The following XKR4 variants were observed in gnomAD, a reference collection of about 807,000 sequenced individuals.
XKR4 encodes the protein XK-related protein 4.
XKR4 carries 12 observed loss-of-function variants against 53.9 expected under a neutral mutation model. The observed-to-expected ratio is 0.22, with a 90% CI of 0.14 to 0.36. The LOEUF is 0.36. Among genes scored for constraint, XKR4 ranks in the 10% least tolerant of loss-of-function variants. XKR4 has a pLI of 1.00. For missense variants in XKR4, 799 were observed against 859.5 expected (o/e 0.93, Z 0.88); for synonymous variants, 354 against 362.4 (o/e 0.98, Z 0.26).
In XKR4 at chr8:55,434,015, C is replaced by CAG. The variant is rs1805139394; in HGVS notation, c.1006+76141_1006+76142dup. ...CACCACTGCACTCCAGCCTGGGCAA[C>CAG]AGAGCAAGACCCTGTCTCAAAAAAT... On this transcript the variant is annotated intron_variant, in intron 2 of 2. Transcript: ENST00000327381. 3.3e-5 allele frequency among the ~76,000 whole-genome samples: 5 copies of CAG among 152,236 alleles called. No individual in the cohort carries two copies. The South Asian group carries it at 1.0e-3, about 32-fold the overall frequency.
At chr8:55,244,739 T>G (rs539661993) in intron 1 of XKR4, among the ~76,000 whole-genome samples, 1 of 152,302 alleles carries the variant, frequency 6.6e-6, no homozygotes, top group East Asian at 1.9e-4. Context: ...ATTTTTTGAC[T>G]TTTTAATAAT....
At chr8:55,340,282 G>T (rs1168739579) in intron 1 of XKR4, among the ~76,000 whole-genome samples, 3 of 152,206 alleles carry the variant, frequency 2.0e-5, no homozygotes, top group Admixed American at 1.3e-4. Flanking sequence ...AGGTTGTGTG[G>T]TGTTTGGTGG....
intron 2 of XKR4, among the ~76,000 whole-genome samples, chr8:55,399,068 G>T (rs911733563): frequency 6.6e-6 from 1 of 152,176 alleles, no homozygotes; most frequent in Non-Finnish European, 1.5e-5. Flanking sequence ...CTCTAAGGAA[G>T]ATTTTCTGGA....
Position 55,538,850 on chromosome 8 carries a change from T to C in XKR4, c.*14623T>C, listed in dbSNP as rs1443452369. ...TTGAGTATCCTCTTCACCCCTAAGA[T>C]GACACATCTTTACAACACAATAAAA... On this transcript the variant is annotated 3_prime_UTR_variant, in exon 3 of 3. Coordinates refer to ENST00000327381, the MANE Select transcript of XKR4 (RefSeq NM_052898.2). 2 of 152,214 alleles carry C rather than the reference T, an allele frequency of 1.3e-5. No individual in the cohort carries two copies. The highest frequency in any genetic ancestry group is 1.5e-5 in the Non-Finnish European group (1 of 68,038). The allele number at this position is 152,214 out of a possible 1,614,324, so 9.4% of individuals were successfully genotyped here.
intron 1 of XKR4, among the ~76,000 whole-genome samples, chr8:55,228,262 C>A (rs1348152730): frequency 6.6e-6 from 1 of 152,106 alleles, no homozygotes; most frequent in Non-Finnish European, 1.5e-5. Flanking sequence ...GAGACCATCA[C>A]AATAGAGACA....
intron 1 of XKR4, among the ~76,000 whole-genome samples, chr8:55,255,554 T>C (rs922729160): frequency 2.0e-5 from 3 of 152,152 alleles, no homozygotes; most frequent in African/African-American, 7.2e-5. Flanking sequence ...TGCTTAGGCA[T>C]AAAGAAAGTG....
chr8:55,504,432 C>T (rs543793289), intron 2 of XKR4, among the ~76,000 whole-genome samples: 13 of 151,504 alleles, frequency 8.6e-5, no homozygotes, highest in Non-Finnish European at 1.8e-4. Flanking sequence ...CCAGACTGGT[C>T]TCCAACTCCT....
At chr8:55,241,331 TG>T (rs1818207731) in intron 1 of XKR4, among the ~76,000 whole-genome samples, 1 of 152,230 alleles carries the variant, frequency 6.6e-6, no homozygotes, top group Non-Finnish European at 1.5e-5. Flanking sequence ...GCAACCTTTG[TG>T]GTCCTGGCAT....
At chr8:55,149,350 G>A (rs980743975) in intron 1 of XKR4, among the ~76,000 whole-genome samples, 3 of 152,100 alleles carry the variant, frequency 2.0e-5, no homozygotes, top group Admixed American at 1.3e-4. Flanking sequence ...TAATACTAGA[G>A]CTGCCTTACG....
At chr8:55,467,235 C>T (rs1415929815) in intron 2 of XKR4, among the ~76,000 whole-genome samples, 3 of 152,124 alleles carry the variant, frequency 2.0e-5, no homozygotes, top group Non-Finnish European at 4.4e-5. Flanking sequence ...GCCAACAGGA[C>T]AGCATCTGTT....
At chr8:55,491,649 TG>T (rs1189002597) in intron 2 of XKR4, among the ~76,000 whole-genome samples, 14 of 151,976 alleles carry the variant, frequency 9.2e-5, no homozygotes, top group African/African-American at 3.4e-4. Context: ...TTTGTTTGTT[TG>T]TTTGTTTTTT....
intron 2 of XKR4, among the ~76,000 whole-genome samples, chr8:55,478,719 T>G: frequency 6.6e-6 from 1 of 151,494 alleles, no homozygotes; most frequent in East Asian, 1.9e-4. Context: ...ACCAAGCAAA[T>G]GGAAAACAAA....
At chr8:55,515,186 C>T (rs1024813067) in intron 2 of XKR4, among the ~76,000 whole-genome samples, 1 of 152,186 alleles carries the variant, frequency 6.6e-6, no homozygotes, top group Non-Finnish European at 1.5e-5. Flanking sequence ...AAGTAGAAAT[C>T]CTCCAAATGG....
At chr8:55,148,812 ATGT>A (rs1294333635) in intron 1 of XKR4, among the ~76,000 whole-genome samples, 2 of 152,154 alleles carry the variant, frequency 1.3e-5, no homozygotes, top group East Asian at 1.9e-4. Flanking sequence ...TTTAAGGTCG[ATGT>A]TGTTTTATTT....
intron 1 of XKR4, among the ~76,000 whole-genome samples, chr8:55,208,443 A>C (rs1385327548): frequency 2.0e-5 from 3 of 152,038 alleles, no homozygotes; most frequent in Non-Finnish European, 1.5e-5. Flanking sequence ...AGTGGGAATA[A>C]AGTTTCTCAT....
At chr8:55,500,365 A>G (rs1806419960) in intron 2 of XKR4, among the ~76,000 whole-genome samples, 1 of 152,124 alleles carries the variant, frequency 6.6e-6, no homozygotes, top group African/African-American at 2.4e-5. Context: ...CAGATGACCT[A>G]TTTTTCTCCC....
chr8:55,184,081 C>T (rs1417604362), intron 1 of XKR4, among the ~76,000 whole-genome samples: 5 of 152,026 alleles, frequency 3.3e-5, no homozygotes, highest in Non-Finnish European at 5.9e-5. Flanking sequence ...TACAGGGCTT[C>T]TCCCTTTTTG....
chr8:55,289,552 G>A (rs1209172554), intron 1 of XKR4, among the ~76,000 whole-genome samples: 1 of 68,258 alleles, frequency 1.5e-5, no homozygotes, highest in African/African-American at 4.9e-5. Flanking sequence ...AAGGAAGGAA[G>A]GAAGGAAGGA....
chr8:55,451,504 G>A lies in XKR4; in HGVS notation c.1007-71777G>A, dbSNP rs1014659690. ...TGCCTGGAACTGGCCTGGAGAAGGT[G>A]CGTTCTGGGCCTTAAAGAGTCCGAC... is the stretch of plus-strand genomic sequence containing the variant. On this transcript the variant is annotated intron_variant, in intron 2 of 2. Coordinates refer to ENST00000327381, the MANE Select transcript of XKR4 (RefSeq NM_052898.2). 17 of 1,057,824 alleles carry A rather than the reference G, an allele frequency of 1.6e-5. No individual in the cohort carries two copies. The African/African-American group carries it at 2.4e-4, about 15-fold the overall frequency. The allele number at this position is 1,057,824 out of a possible 1,614,324, so 65.5% of individuals were successfully genotyped here. A position where few individuals can be genotyped will look rare whatever the true frequency, so the allele number is the denominator to read the frequency against.
Sources: allele counts gnomAD v4.1 joint callset (sites outside exome capture counted in the v4.1 genomes callset), GRCh38; gene constraint gnomAD v4.1.1; transcripts MANE v1.5; gene names NCBI Gene and HGNC (gene_info 2026-07-23, HGNC 2026-07-21).